Variants in PDE5A observed in about 807,000 individuals in gnomAD.
PDE5A encodes the protein phosphodiesterase 5A, also known as cGMP-specific 3',5'-cyclic phosphodiesterase.
In PDE5A, 67 loss-of-function variants were observed where a neutral mutation model predicts 110.2. The ratio of observed to expected loss-of-function variants is 0.61; its 90% CI spans 0.50 to 0.75. The LOEUF (loss-of-function observed/expected upper bound fraction) is 0.75, where lower values mean the gene tolerates loss of function less well. PDE5A is among the 30% of genes least tolerant of loss of function. PDE5A has a pLI of 0.00. For missense variants in PDE5A, 862 were observed against 1,045.1 expected, an observed-to-expected ratio of 0.82 and a Z score of 2.42; for synonymous variants, 328 against 351.2, an observed-to-expected ratio of 0.93 and a Z score of 0.74.
intron 1 of PDE5A, among the ~76,000 whole-genome samples, chr4:119,611,132 T>C (rs1729728218): frequency 6.6e-6 from 1 of 152,152 alleles, no homozygotes; most frequent in Non-Finnish European, 1.5e-5. Flanking sequence ...CACTTCCACA[T>C]CCCCTGCTCA....
intron 12 of PDE5A, among the ~76,000 whole-genome samples, chr4:119,522,801 C>A (rs1726175687): frequency 1.4e-5 from 2 of 139,464 alleles, no homozygotes; most frequent in African/African-American, 5.1e-5. Context: ...ATATGCTGGA[C>A]ACCATTAAAA....
At chr4:119,505,713 C>T (rs1283203986) in intron 17 of PDE5A, 142 bp downstream of exon 17, 2 of 573,210 alleles carry the variant, frequency 3.5e-6, no homozygotes, top group Admixed American at 4.0e-5. Context: ...ACTCTTTGTA[C>T]AACCCTCTGG....
chr4:119,508,932 A>G (rs992525797), intron 15 of PDE5A, among the ~76,000 whole-genome samples: 1 of 152,058 alleles, frequency 6.6e-6, no homozygotes, highest in Admixed American at 6.6e-5. Flanking sequence ...ATATTACATA[A>G]TAAGTTATAT....
Position 119,521,029 on chromosome 4 carries a change from T to G in PDE5A, c.1811A>C (p.Lys604Thr), listed in dbSNP as rs768986684. Reference sequence around the variant, plus strand: ...ATAGGCAACATTCTTCCGATAATTCTTCTTAACACTTAAAATCCATCTGCA... The same window carrying G: ...ATAGGCAACATTCTTCCGATAATTCGTCTTAACACTTAAAATCCATCTGCA... Reference protein sequence around the residue: ...VLCRWILSVKKNYRKNVAYHN... With the variant: ...VLCRWILSVKTNYRKNVAYHN... Residue 604 changes from lysine (K) to threonine (T), a missense_variant, in exon 13 of 21, where the codon AAG becomes ACG. Coordinates refer to ENST00000354960, the MANE Select transcript of PDE5A (RefSeq NM_001083.4). The G allele has an allele frequency of 6.2e-7, 1 of 1,612,862 alleles. No homozygotes were observed. The highest frequency in any genetic ancestry group is 1.1e-5 in the South Asian group (1 of 91,012).
chr4:119,557,012 T>C (rs1408365200), intron 7 of PDE5A, among the ~76,000 whole-genome samples: 1 of 127,470 alleles, frequency 7.8e-6, no homozygotes, highest in African/African-American at 2.7e-5. Flanking sequence ...AGAGCTCCAA[T>C]TGTAGAAAGA....
intron 3 of PDE5A, among the ~76,000 whole-genome samples, chr4:119,595,035 T>C (rs1019903389): frequency 6.6e-6 from 1 of 152,194 alleles, no homozygotes; most frequent in Admixed American, 6.5e-5. Flanking sequence ...GGAAATTGAC[T>C]GCAAGGATAG....
intron 2 of PDE5A, among the ~76,000 whole-genome samples, chr4:119,605,865 A>G (rs1729510624): frequency 6.6e-6 from 1 of 152,226 alleles, no homozygotes; most frequent in Admixed American, 6.5e-5. Flanking sequence ...GACTCTCTGA[A>G]TTAAATGAAC....
In PDE5A at chr4:119,627,047, A is replaced by C; in HGVS notation, c.152+1473T>G. On this transcript the variant is annotated intron_variant, in intron 1 of 20. Transcript: ENST00000354960. This position sits in a 1 kb window ranked among gnomAD's most constrained non-coding sequence, Gnocchi z 4.6. ...TTATACAGTCAATTTTCAATGATAC[A>C]TCGTCCCACTGGTGCCACCGGGGCG... is the stretch of plus-strand genomic sequence containing the variant. 1 of 1,303,064 alleles carries C rather than the reference A, an allele frequency of 7.7e-7. No homozygotes were observed. Among genetic ancestry groups the C allele is most frequent in the East Asian group, 2.4e-5 (1 of 41,310 alleles). The allele number at this position is 1,303,064 out of a possible 1,614,324, so 80.7% of individuals were successfully genotyped here. A position where few individuals can be genotyped will look rare whatever the true frequency, so the allele number is the denominator to read the frequency against.
At chr4:119,505,459 C>G (rs975092323) in intron 17 of PDE5A, among the ~76,000 whole-genome samples, 1 of 151,922 alleles carries the variant, frequency 6.6e-6, no homozygotes, top group Non-Finnish European at 1.5e-5. Context: ...ACCCTGACCT[C>G]ACTGCTCTAC....
At chr4:119,568,030 C>T (rs984315175) in intron 3 of PDE5A, among the ~76,000 whole-genome samples, 3 of 151,950 alleles carry the variant, frequency 2.0e-5, no homozygotes, top group Non-Finnish European at 4.4e-5. Context: ...AGTATCTTAG[C>T]TTTAAGAAAA....
intron 1 of PDE5A, among the ~76,000 whole-genome samples, chr4:119,607,823 T>C (rs893992551): frequency 3.9e-5 from 6 of 152,184 alleles, no homozygotes; most frequent in Admixed American, 1.3e-4. Context: ...CTGACTTCTA[T>C]ATACATAACT....
At chr4:119,599,850 T>C (rs562735350) in intron 2 of PDE5A, among the ~76,000 whole-genome samples, 1 of 151,826 alleles carries the variant, frequency 6.6e-6, no homozygotes, top group South Asian at 2.1e-4. Flanking sequence ...CTTACACACA[T>C]GGTGTGAAAA....
At chr4:119,507,028 A>G (rs1725581132) in intron 16 of PDE5A, among the ~76,000 whole-genome samples, 1 of 151,968 alleles carries the variant, frequency 6.6e-6, no homozygotes, top group African/African-American at 2.4e-5. Flanking sequence ...GCTCAAATGC[A>G]GGAAAGTATT....
At chr4:119,617,538 A>T (rs922634207) in intron 1 of PDE5A, among the ~76,000 whole-genome samples, 2 of 152,198 alleles carry the variant, frequency 1.3e-5, no homozygotes, top group African/African-American at 4.8e-5. Flanking sequence ...TGAAATGGAA[A>T]ATTAATTAAA....
At chr4:119,592,435 G>A (rs1290780628) in intron 3 of PDE5A, among the ~76,000 whole-genome samples, 8 of 120,126 alleles carry the variant, frequency 6.7e-5, no homozygotes, top group Admixed American at 4.4e-4. Flanking sequence ...TCCAGCCTGG[G>A]TGACAGAGCG....
At chr4:119,529,191 A>G (rs1726439884) in intron 11 of PDE5A, among the ~76,000 whole-genome samples, 1 of 151,954 alleles carries the variant, frequency 6.6e-6, no homozygotes, top group African/African-American at 2.4e-5. Context: ...AATCTCTCTC[A>G]CAAGAGAGAA....
intron 9 of PDE5A, chr4:119,548,544 G>A (rs1250399824): frequency 2.6e-5 from 4 of 152,232 alleles, no homozygotes; most frequent in Admixed American, 6.5e-5. Flanking sequence ...TTTTGCCCAT[G>A]TTGTATAAAA....
chr4:119,579,683 C>T (rs1278839610), intron 3 of PDE5A, among the ~76,000 whole-genome samples: 2 of 150,536 alleles, frequency 1.3e-5, no homozygotes, highest in South Asian at 4.2e-4. Context: ...CACTCTGGGG[C>T]CTGTTGTGGG....
At chr4:119,535,225 C>T (rs913695504) in intron 11 of PDE5A, among the ~76,000 whole-genome samples, 1 of 152,066 alleles carries the variant, frequency 6.6e-6, no homozygotes, top group African/African-American at 2.4e-5. Context: ...TTATTTAGTA[C>T]AGATTTAATG....
Sources: allele counts gnomAD v4.1 joint callset (sites outside exome capture counted in the v4.1 genomes callset), GRCh38; gene constraint gnomAD v4.1.1; non-coding constraint Gnocchi (gnomAD v3.1); transcripts MANE v1.5; gene names NCBI Gene and HGNC (gene_info 2026-07-23, HGNC 2026-07-21).